Variants in PPP3R1 observed in about 807,000 individuals in gnomAD.
PPP3R1 encodes the protein calcineurin subunit B type 1.
PPP3R1 carries 5 observed loss-of-function variants against 22.6 expected under a neutral mutation model. The ratio of observed to expected loss-of-function variants is 0.22; its 90% CI spans 0.12 to 0.46. The LOEUF (loss-of-function observed/expected upper bound fraction) is 0.46. PPP3R1 is among the 20% of genes least tolerant of loss of function. The pLI, the probability that PPP3R1 is intolerant of heterozygous loss-of-function variation, is 0.99. For missense variants in PPP3R1, 61 were observed against 203.2 expected (o/e 0.30, Z 4.25); for synonymous variants, 56 against 65.2 (o/e 0.86, Z 0.68).
At chr2:68,205,989 T>G (rs1042503528) in intron 2 of PPP3R1, among the ~76,000 whole-genome samples, 10 of 152,156 alleles carry the variant, frequency 6.6e-5, no homozygotes, top group Non-Finnish European at 1.0e-4. Flanking sequence ...CGGCTAATTT[T>G]GTATTTTTAG....
intron 2 of PPP3R1, among the ~76,000 whole-genome samples, chr2:68,209,801 A>C (rs1022265736): frequency 6.6e-6 from 1 of 152,090 alleles, no homozygotes; most frequent in Non-Finnish European, 1.5e-5. Flanking sequence ...TTTGTAAGAC[A>C]CAACAACAAC....
chr2:68,228,307 G>C (rs1437187020), intron 1 of PPP3R1, among the ~76,000 whole-genome samples: 2 of 151,332 alleles, frequency 1.3e-5, no homozygotes, highest in Non-Finnish European at 3.0e-5. Context: ...AAGGATTTCT[G>C]CATCTACACT....
chr2:68,214,249 C>T (rs1008377447), intron 2 of PPP3R1, among the ~76,000 whole-genome samples: 6 of 152,198 alleles, frequency 3.9e-5, no homozygotes, highest in Non-Finnish European at 7.4e-5. Context: ...ATGACAAAGA[C>T]GCCAAAAGCA....
chr2:68,212,249 T>C (rs1225362623), intron 2 of PPP3R1, among the ~76,000 whole-genome samples: 3 of 152,086 alleles, frequency 2.0e-5, no homozygotes, highest in Non-Finnish European at 4.4e-5. Context: ...CCTGGCTAAT[T>C]TTCATATTTT....
At chr2:68,230,003 C>CACAT (rs1669863141) in intron 1 of PPP3R1, among the ~76,000 whole-genome samples, 1 of 123,340 alleles carries the variant, frequency 8.1e-6, no homozygotes, top group African/African-American at 3.2e-5. Context: ...CACACACACA[C>CACAT]ACACACACAT....
chr2:68,198,482 T>C (rs1350595551), intron 2 of PPP3R1, among the ~76,000 whole-genome samples: 1 of 148,626 alleles, frequency 6.7e-6, no homozygotes, highest in Non-Finnish European at 1.5e-5. Flanking sequence ...CGTATGTATA[T>C]ATATGTATAT....
At chr2:68,214,704 T>C (rs1229515787) in intron 2 of PPP3R1, among the ~76,000 whole-genome samples, 1 of 152,156 alleles carries the variant, frequency 6.6e-6, no homozygotes, top group Non-Finnish European at 1.5e-5. Context: ...AGTTCAGCCG[T>C]TGTGGGAAGC....
At chr2:68,191,405 T>C (rs763793423) in intron 2 of PPP3R1, among the ~76,000 whole-genome samples, 29 of 152,220 alleles carry the variant, frequency 1.9e-4, no homozygotes, top group South Asian at 6.2e-4. Context: ...AGTAAAAGTA[T>C]AGTATGAAAA....
At position 68,232,136 on chromosome 2, in the gene PPP3R1, CACAT is replaced by C. The variant is rs1558641315; in HGVS notation, c.4-15009_4-15006del. On this transcript the variant is annotated intron_variant, in intron 1 of 5. Coordinates refer to ENST00000234310, the MANE Select transcript of PPP3R1 (RefSeq NM_000945.4). ...ATATATATATATATACACACACACA[CACAT>C]ATATATGTATATATATATACATATA... 5.5e-5 allele frequency among the ~76,000 whole-genome samples: 5 copies of C among 91,616 alleles called. 1 individual carries two copies. The highest frequency in any genetic ancestry group is 2.1e-4 in the African/African-American group (5 of 23,782). 60.1% of individuals were successfully genotyped at this position (91,616 alleles called of 152,430 possible). A position where few individuals can be genotyped will look rare whatever the true frequency, so the allele number is the denominator to read the frequency against.
chr2:68,215,754 T>C (rs1432789103), intron 2 of PPP3R1, among the ~76,000 whole-genome samples: 1 of 151,900 alleles, frequency 6.6e-6, no homozygotes, highest in Non-Finnish European at 1.5e-5. Flanking sequence ...GACAACCAAA[T>C]TAAGGGAATG....
At chr2:68,233,829 A>AT (rs961577495) in intron 1 of PPP3R1, among the ~76,000 whole-genome samples, 10 of 152,044 alleles carry the variant, frequency 6.6e-5, no homozygotes, top group African/African-American at 1.2e-4. Flanking sequence ...AAGTTTCAAA[A>AT]TTTTTTTTGT....
At chr2:68,188,370 T>A (rs1364542451) in intron 3 of PPP3R1, 144 bp downstream of exon 3, 2 of 566,528 alleles carry the variant, frequency 3.5e-6, no homozygotes, top group Non-Finnish European at 5.8e-6. Flanking sequence ...AAGGTGTATA[T>A]GCCACAGACG....
chr2:68,209,216 G>A (rs559726729), intron 2 of PPP3R1, among the ~76,000 whole-genome samples: 14 of 149,120 alleles, frequency 9.4e-5, no homozygotes, highest in African/African-American at 2.2e-4. Context: ...AAAATTAGCC[G>A]GGCGTAGTGG....
At chr2:68,189,538 G>C (rs1020736703) in intron 2 of PPP3R1, among the ~76,000 whole-genome samples, 3 of 152,194 alleles carry the variant, frequency 2.0e-5, no homozygotes, top group Admixed American at 2.0e-4. Flanking sequence ...TTTTGATCAT[G>C]ACTTTATAGA....
intron 1 of PPP3R1, among the ~76,000 whole-genome samples, chr2:68,240,160 C>T (rs1272205105): frequency 6.6e-6 from 1 of 152,100 alleles, no homozygotes; most frequent in East Asian, 1.9e-4. Flanking sequence ...TTTTATAACA[C>T]AACTGAGTCT....
chr2:68,241,611 G>A lies in PPP3R1; in HGVS notation c.3+10514C>T, dbSNP rs181979282. ...GGCCTATAATCCCAGCACTTTGGGA[G>A]GCCAAGGTGGGCGGATCACCAGGTC... is the stretch of plus-strand genomic sequence containing the variant. On this transcript the variant is annotated intron_variant, in intron 1 of 5. Transcript: ENST00000234310. Among the ~76,000 whole-genome samples, 31 of 152,284 alleles carry A rather than the reference G, an allele frequency of 2.0e-4. 1 individual carries two copies. Among genetic ancestry groups the A allele is most frequent in the Non-Finnish European group, 3.5e-4 (24 of 68,006 alleles).
intron 5 of PPP3R1, 81 bp from the exon 6 acceptor site, chr2:68,181,091 A>T (rs987939420): frequency 8.0e-6 from 11 of 1,371,804 alleles, no homozygotes; most frequent in African/African-American, 5.7e-5. Context: ...ATCAAATTTT[A>T]AAAAATATTA....
intron 1 of PPP3R1, among the ~76,000 whole-genome samples, chr2:68,230,697 A>G (rs905537393): frequency 6.6e-6 from 1 of 152,150 alleles, no homozygotes; most frequent in South Asian, 2.1e-4. Context: ...TTCTAGGGTA[A>G]GTCTGCTGGT....
At chr2:68,208,299 C>G (rs12713636) in intron 2 of PPP3R1, among the ~76,000 whole-genome samples, 113,408 of 152,176 alleles carry the variant, frequency 0.75, 43,316 homozygotes, top group African/African-American at 0.93. Flanking sequence ...TAGTTCTCAA[C>G]TCCAGAAGCC....
Sources: gnomAD v4.1 joint callset for allele counts (sites outside exome capture counted in the v4.1 genomes callset) on GRCh38, gnomAD v4.1.1 for gene constraint, MANE v1.5 for transcripts, NCBI Gene and HGNC (gene_info 2026-07-23, HGNC 2026-07-21) for gene names.